Variants in ZC3H14 observed in about 807,000 individuals in gnomAD.
ZC3H14 encodes the protein zinc finger CCCH domain-containing protein 14.
In ZC3H14, 31 loss-of-function variants were observed where a neutral mutation model predicts 92.4. The observed-to-expected ratio is 0.34, with a 90% CI of 0.25 to 0.45. The LOEUF is 0.45. Ranked by LOEUF, ZC3H14 falls within the 20% of genes least tolerant of loss-of-function variation. The probability of loss-of-function intolerance (pLI) is 1.00; values close to 1 mark genes in which losing one functional copy is unlikely to be tolerated. For missense variants in ZC3H14, 781 were observed against 897.3 expected (o/e 0.87, Z 1.66); for synonymous variants, 321 against 300.9 (o/e 1.07, Z -0.69).
intron 1 of ZC3H14, chr14:88,563,406 C>T: frequency 7.0e-7 from 1 of 1,431,020 alleles, no homozygotes; most frequent in South Asian, 1.5e-5. Context: ...GCAGGCCCGG[C>T]TGGAGCCACC....
intron 10 of ZC3H14, among the ~76,000 whole-genome samples, chr14:88,599,869 C>T (rs771749764): frequency 6.6e-6 from 1 of 152,070 alleles, no homozygotes; most frequent in Non-Finnish European, 1.5e-5. Flanking sequence ...TGTGAGACCT[C>T]GGTGAATCAT....
intron 5 of ZC3H14, 58 bp from the exon 6 acceptor site, chr14:88,572,520 G>A: frequency 6.3e-7 from 1 of 1,592,896 alleles, no homozygotes; most frequent in Non-Finnish European, 8.6e-7. Flanking sequence ...ATTCTTTAAA[G>A]ATTTGGTGAT....
Position 88,620,694 on chromosome 14 carries a change from T to C in ZC3H14, c.*8943T>C. On this transcript the variant is annotated 3_prime_UTR_variant, in exon 17 of 17. Coordinates refer to ENST00000251038, the MANE Select transcript of ZC3H14 (RefSeq NM_024824.5). This position sits in a 1 kb window ranked among gnomAD's most constrained non-coding sequence, Gnocchi z 4.3. ...TTTTGAAGGCAAGGCTATGGAAAAT[T>C]TTACAAATGGAAGTTAAATCAAGTA... 1 of 1,379,778 alleles carries C rather than the reference T, an allele frequency of 7.2e-7. No individual in the cohort carries two copies. The highest frequency in any genetic ancestry group is 9.4e-7 in the Non-Finnish European group (1 of 1,060,320). 85.5% of individuals were successfully genotyped at this position (1,379,778 alleles called of 1,614,324 possible).
Position 88,572,176 on chromosome 14 carries a change from G to A in ZC3H14, c.382G>A (p.Asp128Asn), listed in dbSNP as rs1370602686. 1.2e-6 allele frequency: 2 copies of A among 1,614,112 alleles called. No individual in the cohort carries two copies. The highest frequency in any genetic ancestry group is 1.7e-5 in the Admixed American group (1 of 60,012). The change falls in exon 5 of 17, where the codon GAT (aspartate) becomes AAT (asparagine). Residue 128 changes from aspartate to asparagine, a missense_variant. Physicochemically the swap from Asp to Asn is conservative, Grantham distance 23. This residue lies in a region of ZC3H14 where 454 missense variants were observed against 438.5 expected (regional missense o/e 1.04). Transcript: ENST00000251038. The stretch of plus-strand genomic sequence containing the variant: ...TCCTAGCGCGAGACCTGAAAAAAGA[G>A]ATTCCAGAGTTTCTACAAGTTCGCA... ...AIPSARPEKR[D>N]SRVSTSSQES...
At chr14:88,594,773 T>C in intron 9 of ZC3H14, 1 of 1,614,112 alleles carries the variant, frequency 6.2e-7, no homozygotes, top group Non-Finnish European at 8.5e-7. Context: ...CCAATTTTTC[T>C]TCCACCGGAG....
chr14:88,604,555 C>G (rs1439456446), intron 12 of ZC3H14, among the ~76,000 whole-genome samples: 1 of 150,800 alleles, frequency 6.6e-6, no homozygotes, highest in Non-Finnish European at 1.5e-5. Flanking sequence ...TGTCTTTTCA[C>G]TCACTGTCAT....
rs1267401070 is a variant in ZC3H14, at chr14:88,574,790, A to C, written c.959A>C (p.Asp320Ala). ...HDGEEEEEDD[D>A]YGSRTGSISS... ...GGAGAAGAGGAGGAAGAAGATGATG[A>C]TTACGGGTCTCGAACAGGAAGCATC... The change falls in exon 7 of 17, where the codon GAT becomes GCT. Residue 320 changes from aspartate (D) to alanine (A), a missense_variant. Asp to Ala is a moderately radical substitution (Grantham distance 126). Coordinates refer to ENST00000251038, the MANE Select transcript of ZC3H14 (RefSeq NM_024824.5). 1 of 1,614,202 alleles carries C rather than the reference A, an allele frequency of 6.2e-7. No homozygotes were observed. Among genetic ancestry groups the C allele is most frequent in the African/African-American group, 1.3e-5 (1 of 75,058 alleles).
intron 12 of ZC3H14, among the ~76,000 whole-genome samples, chr14:88,604,616 G>C (rs1481533900): frequency 7.1e-6 from 1 of 140,364 alleles, no homozygotes; most frequent in Non-Finnish European, 1.6e-5. Context: ...TTTTTTTTGA[G>C]ATAGAGTCTC....
At chr14:88,583,775 G>A (rs1307220108) in intron 9 of ZC3H14, among the ~76,000 whole-genome samples, 3 of 152,204 alleles carry the variant, frequency 2.0e-5, no homozygotes, top group African/African-American at 7.2e-5. Flanking sequence ...TTGGAAGAAA[G>A]TGGACTAATT....
chr14:88,563,597 C>A, intron 1 of ZC3H14, 54 bp from the exon 2 acceptor site: 1 of 1,605,698 alleles, frequency 6.2e-7, no homozygotes, highest in East Asian at 2.2e-5. Flanking sequence ...AGAGTCCGGT[C>A]TTGTTTTCCT....
intron 9 of ZC3H14, chr14:88,591,637 C>T (rs1206980479): frequency 6.6e-6 from 1 of 152,132 alleles, no homozygotes; most frequent in Non-Finnish European, 1.5e-5. Context: ...AATGGAAAAT[C>T]CCCCTGCTTT....
At chr14:88,584,577 G>A (rs1275533961) in intron 9 of ZC3H14, among the ~76,000 whole-genome samples, 2 of 152,164 alleles carry the variant, frequency 1.3e-5, no homozygotes, top group African/African-American at 2.4e-5. Context: ...CTGTACTACT[G>A]TAATAATTTT....
intron 13 of ZC3H14, chr14:88,608,294 A>G: frequency 2.1e-6 from 1 of 483,904 alleles, no homozygotes; most frequent in Non-Finnish European, 4.1e-6. Context: ...ACCATCCCCC[A>G]TCTCACCCTG....
chr14:88,577,455 G>A (rs1030420432), intron 8 of ZC3H14, among the ~76,000 whole-genome samples: 14 of 150,940 alleles, frequency 9.3e-5, no homozygotes, highest in African/African-American at 3.4e-4. Context: ...TGGTTGTATG[G>A]ATATTGTTTA....
chr14:88,602,706 CT>C, intron 11 of ZC3H14, 121 bp from the exon 12 acceptor site: 6 of 1,059,458 alleles, frequency 5.7e-6, no homozygotes, highest in African/African-American at 3.2e-5. Flanking sequence ...CCTACCTAGT[CT>C]TTTTTTATTG....
intron 13 of ZC3H14, chr14:88,608,803 TTC>T (rs2086049039): frequency 6.1e-6 from 1 of 163,454 alleles, no homozygotes; most frequent in Non-Finnish European, 1.3e-5. Flanking sequence ...TTTTTGGGGC[TTC>T]TTTTTTTTGC....
chr14:88,616,029 C>T lies in ZC3H14; in HGVS notation c.*4278C>T. 2 of 1,310,194 alleles carry T rather than the reference C, an allele frequency of 1.5e-6. No homozygotes were observed. The highest frequency in any genetic ancestry group is 1.3e-5 in the South Asian group (1 of 79,688). 81.2% of individuals were successfully genotyped at this position (1,310,194 alleles called of 1,614,324 possible). A position where few individuals can be genotyped will look rare whatever the true frequency, so the allele number is the denominator to read the frequency against. ...CTGAAGAGCCATCTGGTTATACTAC[C>T]TTCTACTAATGTTGACTAGCTGATT... On this transcript the variant is annotated 3_prime_UTR_variant, in exon 17 of 17. Transcript: ENST00000251038.
At chr14:88,567,571 C>T (rs1595488988) in intron 2 of ZC3H14, among the ~76,000 whole-genome samples, 2 of 151,642 alleles carry the variant, frequency 1.3e-5, no homozygotes, top group African/African-American at 2.4e-5. Flanking sequence ...TTTGTTTATT[C>T]GATGTTGCTA....
chr14:88,566,877 G>A (rs556049246), intron 2 of ZC3H14, among the ~76,000 whole-genome samples: 81 of 151,040 alleles, frequency 5.4e-4, no homozygotes, highest in African/African-American at 1.8e-3. Context: ...CCGAGATTGT[G>A]CCACTACACT....
Sources: gnomAD v4.1 joint callset for allele counts (sites outside exome capture counted in the v4.1 genomes callset) on GRCh38, gnomAD v4.1.1 for gene constraint, gnomAD v4.1.1 regional missense constraint, Gnocchi (gnomAD v3.1) non-coding constraint, MANE v1.5 for transcripts, NCBI Gene and HGNC (gene_info 2026-07-23, HGNC 2026-07-21) for gene names.